The following ABTB2 variants were observed in gnomAD, a reference collection of about 807,000 sequenced individuals.
ABTB2 encodes ankyrin repeat and BTB domain containing 2, also known as ankyrin repeat and BTB/POZ domain-containing protein 2.
In ABTB2, 56 loss-of-function variants were observed where a neutral mutation model predicts 104.1. The ratio of observed to expected loss-of-function variants is 0.54; its 90% CI spans 0.43 to 0.67. The LOEUF (loss-of-function observed/expected upper bound fraction) is 0.67, where lower values mean the gene tolerates loss of function less well. Among genes scored for constraint, ABTB2 ranks in the 30% least tolerant of loss-of-function variants. ABTB2 has a pLI of 0.00. For synonymous variants in ABTB2, 606 were observed against 608.2 expected (o/e 1.00, Z 0.05); for missense variants, 1,279 against 1,407.7 (o/e 0.91, Z 1.46).
At chr11:34,248,448 A>C (rs56213489) in intron 1 of ABTB2, among the ~76,000 whole-genome samples, 3,780 of 151,010 alleles carry the variant, frequency 0.025, 113 homozygotes, top group African/African-American at 0.063. Context: ...AACAAACAAA[A>C]AAAACCCTTC....
At chr11:34,196,192 TA>T (rs1442671761) in intron 3 of ABTB2, among the ~76,000 whole-genome samples, 1 of 151,982 alleles carries the variant, frequency 6.6e-6, no homozygotes, top group Non-Finnish European at 1.5e-5. Flanking sequence ...GTACGAGTTA[TA>T]AAAAAAATAT....
At chr11:34,293,703 T>C (rs1854588563) in intron 1 of ABTB2, among the ~76,000 whole-genome samples, 1 of 151,730 alleles carries the variant, frequency 6.6e-6, no homozygotes, top group Non-Finnish European at 1.5e-5. Context: ...GGGGTAAGGG[T>C]AAGGGTAAGG....
chr11:34,311,732 T>A (rs1854857576), intron 1 of ABTB2, among the ~76,000 whole-genome samples: 1 of 152,228 alleles, frequency 6.6e-6, no homozygotes, highest in East Asian at 1.9e-4. Context: ...GGGTAATTAT[T>A]ACACTTTTCT....
intron 1 of ABTB2, among the ~76,000 whole-genome samples, chr11:34,261,137 C>A (rs74377928): frequency 7.2e-5 from 11 of 151,930 alleles, no homozygotes; most frequent in Admixed American, 2.6e-4. Flanking sequence ...CCTGCCCCCC[C>A]CAAAAAAAGA....
intron 1 of ABTB2, among the ~76,000 whole-genome samples, chr11:34,300,955 C>G (rs1469173039): frequency 6.6e-6 from 1 of 152,148 alleles, no homozygotes; most frequent in Non-Finnish European, 1.5e-5. Context: ...GTGTGGAGGG[C>G]AGAGGAGGAT....
chr11:34,171,932 G>A (rs189155753), intron 4 of ABTB2, among the ~76,000 whole-genome samples: 2 of 152,304 alleles, frequency 1.3e-5, no homozygotes, highest in Admixed American at 1.3e-4. Context: ...TGTGTTATAG[G>A]GGGCGCATCA....
In ABTB2 at chr11:34,160,957, C is replaced by G; in HGVS notation, c.2343G>C (p.Glu781Asp). ...GCTGCAAGCCCTCGGTCACCAGCTC[C>G]TCGTTGTACTCCTCCTCTCTGATGG... is the stretch of plus-strand genomic sequence containing the variant. ...FSSIREEEYN[E>D]ELVTEGLQLM... Residue 781 changes from glutamate (E) to aspartate (D), a missense_variant, in exon 11 of 17, where the codon GAG (glutamate) becomes GAC (aspartate). Coordinates refer to ENST00000435224, the MANE Select transcript of ABTB2 (RefSeq NM_145804.3). The G allele has an allele frequency of 6.2e-7, 1 of 1,613,564 alleles. No homozygotes were observed. The highest frequency in any genetic ancestry group is 8.5e-7 in the Non-Finnish European group (1 of 1,179,722).
At chr11:34,298,714 G>A (rs1438437681) in intron 1 of ABTB2, among the ~76,000 whole-genome samples, 2 of 151,998 alleles carry the variant, frequency 1.3e-5, no homozygotes, top group African/African-American at 2.4e-5. Context: ...TGCCTGCCTC[G>A]GCCTCCCAAA....
chr11:34,154,418 A>ACTGGTCT lies in ABTB2; in HGVS notation c.2767-41_2767-40insAGACCAG. On this transcript the variant is annotated intron_variant, in intron 15 of 16. Transcript: ENST00000435224. This position sits in a 1 kb window ranked among gnomAD's most constrained non-coding sequence, Gnocchi z 4.9. ...GAGCAGGTCTTGGGGACCCATGGCC[A>ACTGGTCT]GACCAGTGGCCCAGACAGCACCGAA... 1 of 1,459,450 alleles carries ACTGGTCT rather than the reference A, an allele frequency of 6.9e-7. No homozygotes were observed. The highest frequency in any genetic ancestry group is 9.5e-7 in the Non-Finnish European group (1 of 1,052,216). The allele number at this position is 1,459,450 out of a possible 1,614,324, so 90.4% of individuals were successfully genotyped here.
intron 1 of ABTB2, among the ~76,000 whole-genome samples, chr11:34,243,231 G>GGA (rs1473581321): frequency 1.3e-5 from 2 of 152,118 alleles, no homozygotes; most frequent in Non-Finnish European, 2.9e-5. Context: ...TTCAAATCTT[G>GGA]CTTCTGCACA....
intron 1 of ABTB2, among the ~76,000 whole-genome samples, chr11:34,296,042 G>T (rs545010980): frequency 1.3e-5 from 2 of 152,200 alleles, no homozygotes; most frequent in African/African-American, 2.4e-5. Flanking sequence ...TAAGGCGGGA[G>T]TATTGCTGGA....
At chr11:34,223,125 C>A (rs769810220) in intron 1 of ABTB2, among the ~76,000 whole-genome samples, 2 of 152,210 alleles carry the variant, frequency 1.3e-5, no homozygotes, top group African/African-American at 4.8e-5. Flanking sequence ...GGGCTATAAA[C>A]GTCACATGGA....
chr11:34,182,744 T>A (rs534285788), intron 3 of ABTB2, among the ~76,000 whole-genome samples: 1 of 151,980 alleles, frequency 6.6e-6, no homozygotes, highest in Non-Finnish European at 1.5e-5. Context: ...TCAGGAGTAA[T>A]AGAAAAATGC....
chr11:34,224,782 TTG>T (rs1175396728), intron 1 of ABTB2, among the ~76,000 whole-genome samples: 1 of 152,198 alleles, frequency 6.6e-6, no homozygotes, highest in Non-Finnish European at 1.5e-5. Context: ...GAAGGCACCA[TTG>T]TCTCTAATCA....
At chr11:34,178,460 C>A (rs116535925) in intron 3 of ABTB2, among the ~76,000 whole-genome samples, 112 of 152,322 alleles carry the variant, frequency 7.4e-4, no homozygotes, top group African/African-American at 2.4e-3. Flanking sequence ...TTTAAAAACT[C>A]CCATCTGCAA....
At chr11:34,355,275 AACAAACAAC>A (rs1298981850) in intron 1 of ABTB2, among the ~76,000 whole-genome samples, 1 of 152,126 alleles carries the variant, frequency 6.6e-6, no homozygotes, top group Non-Finnish European at 1.5e-5. Context: ...AAAACAAACA[AACAAACAAC>A]AACAACAAAC....
chr11:34,248,096 TAAA>T (rs1157412906), intron 1 of ABTB2, among the ~76,000 whole-genome samples: 8 of 116,256 alleles, frequency 6.9e-5, no homozygotes, highest in East Asian at 5.2e-4. Context: ...TAATTTTTCT[TAAA>T]AAAAAAAAAA....
Position 34,228,116 on chromosome 11 carries a change from G to T in ABTB2, c.884-23426C>A, listed in dbSNP as rs1294539392. ...AGTGCAGTGGTGTAATCTTGGCTCA[G>T]TAGCATGATCTTGGCTCACTGCAAC... is the stretch of plus-strand genomic sequence containing the variant. On this transcript the variant is annotated intron_variant, in intron 1 of 16. Coordinates refer to ENST00000435224, the MANE Select transcript of ABTB2 (RefSeq NM_145804.3). Among the ~76,000 whole-genome samples the T allele has an allele frequency of 2.9e-5, 2 of 69,338 alleles. 1 individual carries two copies. The highest frequency in any genetic ancestry group is 9.8e-5 in the African/African-American group (2 of 20,444). The allele number at this position is 69,338 out of a possible 152,430, so 45.5% of individuals were successfully genotyped here. A position where few individuals can be genotyped will look rare whatever the true frequency, so the allele number is the denominator to read the frequency against.
At chr11:34,226,787 T>C (rs1294345425) in intron 1 of ABTB2, among the ~76,000 whole-genome samples, 2 of 152,134 alleles carry the variant, frequency 1.3e-5, no homozygotes, top group Admixed American at 1.3e-4. Context: ...TGGTATGGTA[T>C]GGGTATGGTA....
Sources: allele counts gnomAD v4.1 joint callset (sites outside exome capture counted in the v4.1 genomes callset), GRCh38; gene constraint gnomAD v4.1.1; non-coding constraint Gnocchi (gnomAD v3.1); transcripts MANE v1.5; gene names NCBI Gene and HGNC (gene_info 2026-07-23, HGNC 2026-07-21).